Variants in NPHP3 observed in about 807,000 individuals in gnomAD.
NPHP3 encodes nephrocystin-3.
Under a neutral mutation model 171.9 loss-of-function variants are expected in NPHP3, and 123 were observed. The ratio of observed to expected loss-of-function variants is 0.72; its 90% confidence interval spans 0.62 to 0.83. The LOEUF (loss-of-function observed/expected upper bound fraction) is 0.83, where lower values mean the gene tolerates loss of function less well. Ranked by LOEUF, NPHP3 falls within the 40% of genes least tolerant of loss-of-function variation. The pLI is 0.00. For missense variants in NPHP3, 1,506 were observed against 1,591.9 expected, an observed-to-expected ratio of 0.95 and a Z score of 0.92; for synonymous variants, 558 against 579.2, an observed-to-expected ratio of 0.96 and a Z score of 0.52.
At chr3:132,701,674 A>T in intron 9 of NPHP3, 141 bp from the exon 10 acceptor site, 1 of 651,906 alleles carries the variant, frequency 1.5e-6, no homozygotes, top group Non-Finnish European at 2.7e-6. Context: ...CAGCACCCTC[A>T]TAATTGCCTA....
At chr3:132,683,631 A>G (rs1939087446) in intron 24 of NPHP3, 107 bp from the exon 25 acceptor site, 1 of 841,514 alleles carries the variant, frequency 1.2e-6, no homozygotes. Context: ...TTTTGAGGGA[A>G]AAAAATCTCA....
chr3:132,699,572 T>C, intron 12 of NPHP3, 122 bp from the exon 13 acceptor site: 1 of 749,318 alleles, frequency 1.3e-6, no homozygotes, highest in Non-Finnish European at 2.2e-6. Context: ...AAAAATCTTA[T>C]TTTGGGGTGA....
intron 18 of NPHP3, 110 bp downstream of exon 18, chr3:132,691,082 G>T: frequency 1.2e-6 from 1 of 853,432 alleles, no homozygotes; most frequent in Non-Finnish European, 2.0e-6. Flanking sequence ...AATCTTTTTT[G>T]TAATAATTAA....
chr3:132,699,411 G>C lies in NPHP3; in HGVS notation c.1927C>G (p.Pro643Ala), dbSNP rs1188496630. The part of the protein sequence containing the change: ...KHMKWLIDPL[P>A]VNVRVIVSVN... ...GAAACAATTACTCTTACATTCACTGGCAGTGGATCTATCAGCCATTTCATG... is the reference window on the plus strand; with the variant it reads ...GAAACAATTACTCTTACATTCACTGCCAGTGGATCTATCAGCCATTTCATG... The change falls in exon 13 of 27, where the codon CCA (proline) becomes GCA (alanine). Residue 643 changes from proline to alanine, a missense_variant. By Grantham distance (27) the Pro-to-Ala change is conservative (BLOSUM62 -1). Around this residue, in one of 3 missense-constraint regions of NPHP3, gnomAD observed 930 missense variants for 924.9 expected, o/e 1.01. Transcript: ENST00000337331. 2 of 1,611,698 alleles carry C rather than the reference G, an allele frequency of 1.2e-6. No individual in the cohort carries two copies. Among genetic ancestry groups the C allele is most frequent in the East Asian group, 4.5e-5 (2 of 44,852 alleles).
At position 132,722,250 on chromosome 3, in the gene NPHP3, G is replaced by A. The variant is rs2108008161; in HGVS notation, c.106C>T (p.Pro36Ser). 6.4e-7 allele frequency: 1 copy of A among 1,572,226 alleles called. No homozygotes were observed. The highest frequency in any genetic ancestry group is 8.6e-7 in the Non-Finnish European group (1 of 1,168,632). Residue 36 changes from proline to serine, a missense_variant, in exon 1 of 27, where the codon CCC becomes TCC. Physicochemically the swap from Pro to Ser is moderately conservative, Grantham distance 74 (BLOSUM62 -1). Around this residue, in one of 3 missense-constraint regions of NPHP3, gnomAD observed 930 missense variants for 924.9 expected, o/e 1.01. Transcript: ENST00000337331. The part of the protein sequence containing the change: ...EACEIPVEVK[P>S]KARLLRNSFR... ...GAGTTGCGCAGCAGGCGGGCCTTGG[G>A]CTTCACCTCCACCGGGATCTCGCAG...
intron 19 of NPHP3, 28 bp from the exon 20 acceptor site, chr3:132,689,291 T>C: frequency 1.2e-6 from 2 of 1,606,852 alleles, no homozygotes; most frequent in Non-Finnish European, 1.7e-6. Context: ...AGTACTTTAA[T>C]GAAAAACACA....
intron 17 of NPHP3, among the ~76,000 whole-genome samples, chr3:132,691,520 A>G (rs1321961499): frequency 6.6e-6 from 1 of 152,218 alleles, no homozygotes; most frequent in African/African-American, 2.4e-5. Flanking sequence ...AACTTTAGTT[A>G]ATACATTAAA....
At chr3:132,685,902 T>C (rs575239215) in intron 23 of NPHP3, 5 of 263,938 alleles carry the variant, frequency 1.9e-5, no homozygotes, top group Non-Finnish European at 3.7e-5. Context: ...ATGCAAAAAA[T>C]TAGTCGGGCG....
chr3:132,691,317 T>A, intron 17 of NPHP3, 31 bp from the exon 18 acceptor site: 1 of 1,456,102 alleles, frequency 6.9e-7, no homozygotes, highest in South Asian at 1.1e-5. Flanking sequence ...TACTGAGTTC[T>A]ATTTCACGTA....
At chr3:132,692,391 AC>A (rs1397372949) in intron 17 of NPHP3, among the ~76,000 whole-genome samples, 7 of 152,178 alleles carry the variant, frequency 4.6e-5, no homozygotes, top group African/African-American at 1.7e-4. Flanking sequence ...CCTTTAAGAA[AC>A]TTTTTTTGAT....
chr3:132,696,822 G>A lies in NPHP3; in HGVS notation c.2089-9C>T, dbSNP rs141397228. The A allele has an allele frequency of 4.5e-3, 7,330 of 1,611,492 alleles. 22 individuals carry two copies. Among genetic ancestry groups the A allele is most frequent in the Non-Finnish European group, 5.1e-3 (6,055 of 1,177,968 alleles). On this transcript the variant is annotated splice_polypyrimidine_tract_variant and intron_variant, in intron 14 of 26. Coordinates refer to ENST00000337331, the MANE Select transcript of NPHP3 (RefSeq NM_153240.5). Reference sequence around the variant, plus strand: ...CGTTCTAGCTTCTTCTCCTGCACCAGTTTACCAAGAAAAACAAAACAGAAA... The same window carrying A: ...CGTTCTAGCTTCTTCTCCTGCACCAATTTACCAAGAAAAACAAAACAGAAA...
intron 13 of NPHP3, 150 bp downstream of exon 13, chr3:132,699,203 A>ATT: frequency 3.2e-6 from 2 of 625,148 alleles, no homozygotes; most frequent in South Asian, 1.8e-5. Flanking sequence ...TATAGATTGT[A>ATT]TTTTTTTTTC....
chr3:132,701,408 A>G (rs140282205), intron 10 of NPHP3, 22 bp downstream of exon 10: 502 of 1,471,134 alleles, frequency 3.4e-4, no homozygotes, highest in Admixed American at 8.2e-4. Context: ...GACAACAATA[A>G]TTTAATTGCA....
At chr3:132,684,941 T>G in intron 23 of NPHP3, 147 bp from the exon 24 acceptor site, 1 of 923,992 alleles carries the variant, frequency 1.1e-6, no homozygotes, top group Non-Finnish European at 1.7e-6. Context: ...ACTTTCCCCC[T>G]CTTCCCCACC....
At position 132,704,383 on chromosome 3, in the gene NPHP3, GA is replaced by G; in HGVS notation, c.1351-13del. ...AAACCCAGTATGTCCTAAACACAAA[GA>G]ACAACCACACAAAAATGAATGAAGA... On this transcript the variant is annotated splice_polypyrimidine_tract_variant and intron_variant, in intron 8 of 26. Coordinates refer to ENST00000337331, the MANE Select transcript of NPHP3 (RefSeq NM_153240.5). The G allele has an allele frequency of 6.2e-7, 1 of 1,613,922 alleles. No homozygotes were observed. Among genetic ancestry groups the G allele is most frequent in the Non-Finnish European group, 8.5e-7 (1 of 1,179,932 alleles).
intron 24 of NPHP3, among the ~76,000 whole-genome samples, chr3:132,683,924 C>A (rs1939093969): frequency 7.1e-6 from 1 of 140,576 alleles, no homozygotes; most frequent in Non-Finnish European, 1.5e-5. Flanking sequence ...GCAATGTACC[C>A]TTCTTACTAA....
intron 1 of NPHP3, 90 bp from the exon 2 acceptor site, chr3:132,719,920 G>A: frequency 2.2e-6 from 1 of 449,960 alleles, no homozygotes; most frequent in Admixed American, 5.0e-5. Context: ...ATATATATAT[G>A]TTACGTATCT....
At chr3:132,704,975 G>T (rs1370897175) in intron 8 of NPHP3, among the ~76,000 whole-genome samples, 1 of 152,036 alleles carries the variant, frequency 6.6e-6, no homozygotes, top group Non-Finnish European at 1.5e-5. Flanking sequence ...TGTTGCCAGA[G>T]GTCATATCAT....
intron 18 of NPHP3, 85 bp downstream of exon 18, chr3:132,691,107 A>G (rs1939287896): frequency 1.2e-5 from 12 of 1,029,758 alleles, no homozygotes; most frequent in Non-Finnish European, 1.4e-5. Context: ...TTGTACTTTA[A>G]GTTGTAAGCT....
Sources: allele counts gnomAD v4.1 joint callset (sites outside exome capture counted in the v4.1 genomes callset), GRCh38; gene constraint gnomAD v4.1.1; regional missense constraint gnomAD v4.1.1; transcripts MANE v1.5; gene names NCBI Gene and HGNC (gene_info 2026-07-23, HGNC 2026-07-21).